AFF3: variants seen among roughly 807,000 people sequenced by gnomAD.
AFF3 encodes the protein AF4/FMR2 family member 3.
Under a neutral mutation model 129.7 loss-of-function variants are expected in AFF3, and 32 were observed. That is an observed-to-expected ratio of 0.25 (90% CI 0.19 to 0.33). AFF3 has a LOEUF of 0.33. Among genes scored for constraint, AFF3 ranks in the 10% least tolerant of loss-of-function variants. AFF3 has a pLI of 1.00. For missense variants in AFF3, 1,373 were observed against 1,592.0 expected (o/e 0.86, Z 2.34); for synonymous variants, 644 against 635.4 (o/e 1.01, Z -0.20).
chr2:99,997,694 C>T (rs1293468081), intron 7 of AFF3, among the ~76,000 whole-genome samples: 3 of 152,182 alleles, frequency 2.0e-5, no homozygotes, highest in Non-Finnish European at 4.4e-5. Context: ...CGTGGCCTCC[C>T]CTGCCACTTC....
intron 4 of AFF3, among the ~76,000 whole-genome samples, chr2:100,092,066 A>G (rs1362500324): frequency 6.6e-6 from 1 of 151,808 alleles, no homozygotes; most frequent in Non-Finnish European, 1.5e-5. Flanking sequence ...CTGTATGCTG[A>G]TAACGCCCAC....
At chr2:99,567,382 G>A (rs1490285622) in intron 19 of AFF3, among the ~76,000 whole-genome samples, 1 of 152,116 alleles carries the variant, frequency 6.6e-6, no homozygotes, top group African/African-American at 2.4e-5. Context: ...CTCCACAAGC[G>A]AAAGCTCTTT....
chr2:99,636,539 T>G (rs1349558102), intron 13 of AFF3, among the ~76,000 whole-genome samples: 3 of 152,122 alleles, frequency 2.0e-5, no homozygotes, highest in Admixed American at 2.0e-4. Context: ...GAAGGCAGTG[T>G]GACAATTCAA....
At chr2:100,087,429 A>G (rs1262544922) in intron 4 of AFF3, among the ~76,000 whole-genome samples, 1 of 152,140 alleles carries the variant, frequency 6.6e-6, no homozygotes, top group Non-Finnish European at 1.5e-5. Flanking sequence ...CCTAAAATCT[A>G]AATGTGTCAT....
intron 2 of AFF3, among the ~76,000 whole-genome samples, chr2:100,114,571 AG>A (rs1048468626): frequency 3.1e-4 from 47 of 151,912 alleles, no homozygotes; most frequent in African/African-American, 1.0e-3. Flanking sequence ...TAGTAGAAAC[AG>A]GGTTTCACCA....
chr2:100,056,732 C>A (rs964951207), intron 4 of AFF3, among the ~76,000 whole-genome samples: 35 of 152,116 alleles, frequency 2.3e-4, no homozygotes, highest in African/African-American at 8.4e-4. Flanking sequence ...TTACTCTATA[C>A]CATCTGTTCT....
intron 8 of AFF3, among the ~76,000 whole-genome samples, chr2:99,834,508 C>T (rs1688725791): frequency 6.6e-6 from 1 of 152,180 alleles, no homozygotes; most frequent in Non-Finnish European, 1.5e-5. Context: ...AAGTTACAGC[C>T]TTTCCTCCCA....
At chr2:99,570,462 A>G (rs561022427) in intron 18 of AFF3, among the ~76,000 whole-genome samples, 1 of 152,252 alleles carries the variant, frequency 6.6e-6, no homozygotes, top group African/African-American at 2.4e-5. Context: ...ACAGCCTCCC[A>G]GGTAGCTGGG....
intron 7 of AFF3, among the ~76,000 whole-genome samples, chr2:99,930,065 A>G (rs1696558382): frequency 6.6e-6 from 1 of 152,186 alleles, no homozygotes; most frequent in Admixed American, 6.6e-5. Flanking sequence ...CTCTAAACTT[A>G]AAGAAAACAC....
rs1559483163 is a variant in AFF3 at position 99,565,468 on chromosome 2, A to C, written c.3119+19T>G. 1.4e-5 allele frequency: 22 copies of C among 1,608,760 alleles called. No homozygotes were observed. The highest frequency in any genetic ancestry group is 1.9e-5 in the Non-Finnish European group (22 of 1,175,504). On this transcript the variant is annotated intron_variant, in intron 20 of 24. Coordinates refer to ENST00000672756, the MANE Select transcript of AFF3 (RefSeq NM_001386135.1). ...TTCCTCACTCCTCCCCTCATCCAGC[A>C]AGAAAACACGGTGCTTACCTGATGA...
intron 8 of AFF3, among the ~76,000 whole-genome samples, chr2:99,824,938 C>A (rs1010305776): frequency 6.6e-6 from 1 of 152,130 alleles, no homozygotes; most frequent in Admixed American, 6.5e-5. Context: ...GGTGGGTTAG[C>A]GATTGTGAAA....
chr2:99,855,833 C>T (rs114086571), intron 7 of AFF3, among the ~76,000 whole-genome samples: 4,101 of 152,224 alleles, frequency 0.027, 84 homozygotes, highest in Non-Finnish European at 0.041. Flanking sequence ...CTGTCAAACA[C>T]TGTCTCTGCC....
At chr2:99,713,358 T>C (rs1286194668) in intron 11 of AFF3, among the ~76,000 whole-genome samples, 1 of 149,356 alleles carries the variant, frequency 6.7e-6, no homozygotes, top group Non-Finnish European at 1.5e-5. Flanking sequence ...AACCTCTGAC[T>C]CCCTGGTTCA....
chr2:99,565,313 G>A (rs192053746), intron 20 of AFF3, among the ~76,000 whole-genome samples, 174 bp downstream of exon 20: 70 of 152,278 alleles, frequency 4.6e-4, no homozygotes, highest in African/African-American at 1.6e-3. Flanking sequence ...ACGGAGGACA[G>A]AGGGGGCAGG....
At chr2:99,953,817 T>C (rs748930930) in intron 7 of AFF3, among the ~76,000 whole-genome samples, 14 of 152,178 alleles carry the variant, frequency 9.2e-5, no homozygotes, top group Admixed American at 3.9e-4. Flanking sequence ...TGAGGGATGG[T>C]GTGGGAAGAA....
intron 7 of AFF3, among the ~76,000 whole-genome samples, chr2:99,927,567 G>A (rs554396581): frequency 6.6e-6 from 1 of 152,034 alleles, no homozygotes; most frequent in East Asian, 1.9e-4. Flanking sequence ...ACACACACTG[G>A]GGCCTTTCAG....
At chr2:99,973,808 C>T (rs973267682) in intron 7 of AFF3, among the ~76,000 whole-genome samples, 2 of 151,776 alleles carry the variant, frequency 1.3e-5, no homozygotes, top group African/African-American at 2.4e-5. Context: ...CCTGCTTGTT[C>T]GCTGTCCCTT....
chr2:99,914,686 C>T (rs1446638907), intron 7 of AFF3, among the ~76,000 whole-genome samples: 2 of 151,588 alleles, frequency 1.3e-5, no homozygotes, highest in African/African-American at 4.8e-5. Context: ...GAGGCCGAGG[C>T]GGGGGGATCA....
chr2:100,046,748 T>C (rs980150219), intron 4 of AFF3, among the ~76,000 whole-genome samples: 4 of 152,170 alleles, frequency 2.6e-5, no homozygotes, highest in African/African-American at 9.7e-5. Flanking sequence ...AAATAAAATA[T>C]ATAAATATAT....
Sources: gnomAD v4.1 joint callset for allele counts (sites outside exome capture counted in the v4.1 genomes callset) on GRCh38, gnomAD v4.1.1 for gene constraint, MANE v1.5 for transcripts, NCBI Gene and HGNC (gene_info 2026-07-23, HGNC 2026-07-21) for gene names.